ADK: variants seen among roughly 807,000 people sequenced by gnomAD.
ADK encodes adenosine kinase.
In ADK, 24 loss-of-function variants were observed where a neutral mutation model predicts 44.7. That is an observed-to-expected ratio of 0.54 (90% CI 0.39 to 0.76). ADK has a LOEUF of 0.76. Ranked by LOEUF, ADK falls within the 30% of genes least tolerant of loss-of-function variation. The pLI is 0.00. For missense variants in ADK, 321 were observed against 425.1 expected (o/e 0.76, Z 2.15); for synonymous variants, 128 against 142.6 (o/e 0.90, Z 0.73).
intron 3 of ADK, among the ~76,000 whole-genome samples, chr10:74,272,549 A>G (rs1846476650): frequency 6.6e-6 from 1 of 152,234 alleles, no homozygotes; most frequent in African/African-American, 2.4e-5. Flanking sequence ...TTCTGGGATT[A>G]CAGGCATGAG....
chr10:74,272,140 A>G (rs1053618129), intron 3 of ADK, among the ~76,000 whole-genome samples: 6 of 152,228 alleles, frequency 3.9e-5, no homozygotes, highest in Admixed American at 3.9e-4. Flanking sequence ...TTAATGTTAT[A>G]TATAAAATTA....
intron 4 of ADK, among the ~76,000 whole-genome samples, chr10:74,389,044 A>G (rs939282123): frequency 6.6e-6 from 1 of 152,168 alleles, no homozygotes; most frequent in African/African-American, 2.4e-5. Flanking sequence ...TCACAGTCCT[A>G]CCATGCCTGT....
intron 6 of ADK, among the ~76,000 whole-genome samples, chr10:74,469,201 T>C (rs1322266538): frequency 6.6e-6 from 1 of 151,994 alleles, no homozygotes; most frequent in African/African-American, 2.4e-5. Flanking sequence ...TAGCCGGGCA[T>C]GATAGTGCGC....
At chr10:74,700,925 A>G (rs1338745732) in intron 10 of ADK, among the ~76,000 whole-genome samples, 2 of 152,222 alleles carry the variant, frequency 1.3e-5, no homozygotes, top group Non-Finnish European at 2.9e-5. Context: ...ACTATTTCCA[A>G]TCTTTTCTTA....
chr10:74,356,011 T>TTTTTTG (rs1564672636), intron 4 of ADK, among the ~76,000 whole-genome samples: 19 of 130,146 alleles, frequency 1.5e-4, no homozygotes, highest in Admixed American at 1.5e-4. Context: ...CATTTTTTTT[T>TTTTTTG]TTTTTTTTTT....
At chr10:74,465,045 A>G (rs888182067) in intron 6 of ADK, among the ~76,000 whole-genome samples, 1 of 152,166 alleles carries the variant, frequency 6.6e-6, no homozygotes, top group Non-Finnish European at 1.5e-5. Context: ...GCTTTAAACA[A>G]AATATCTAGT....
chr10:74,369,888 T>C (rs11001015), intron 4 of ADK, among the ~76,000 whole-genome samples: 6,847 of 152,270 alleles, frequency 0.045, 541 homozygotes, highest in African/African-American at 0.16. Context: ...TATTATTCTA[T>C]AGAATCTACA....
chr10:74,580,101 G>T (rs1589267643), intron 7 of ADK, among the ~76,000 whole-genome samples: 1 of 152,226 alleles, frequency 6.6e-6, no homozygotes, highest in East Asian at 1.9e-4. Context: ...GAGTAGCCCT[G>T]AAAATATATA....
At chr10:74,324,692 C>T (rs1813624044) in intron 4 of ADK, among the ~76,000 whole-genome samples, 1 of 152,078 alleles carries the variant, frequency 6.6e-6, no homozygotes, top group Admixed American at 6.5e-5. Flanking sequence ...CATATCTTGG[C>T]TGTTGTGAAT....
At chr10:74,649,841 T>A (rs1753735989) in intron 9 of ADK, among the ~76,000 whole-genome samples, 1 of 152,138 alleles carries the variant, frequency 6.6e-6, no homozygotes, top group Admixed American at 6.5e-5. Flanking sequence ...CCAGCCACAT[T>A]TAAGCTCAAA....
chr10:74,214,341 G>A (rs1843937593), intron 2 of ADK, among the ~76,000 whole-genome samples: 1 of 151,924 alleles, frequency 6.6e-6, no homozygotes, highest in Admixed American at 6.6e-5. Context: ...TTAAAATCTT[G>A]CCATATCCAC....
chr10:74,574,707 A>G (rs1014585686), intron 7 of ADK, among the ~76,000 whole-genome samples: 5 of 152,238 alleles, frequency 3.3e-5, no homozygotes, highest in African/African-American at 1.2e-4. Flanking sequence ...CAGCAGGACA[A>G]CTGCAGGAAT....
intron 4 of ADK, among the ~76,000 whole-genome samples, chr10:74,357,268 T>G (rs572066240): frequency 6.6e-6 from 1 of 152,248 alleles, no homozygotes; most frequent in East Asian, 1.9e-4. Flanking sequence ...ATGCGGCAGA[T>G]TGAAGAGCAG....
chr10:74,375,563 T>C (rs1326853782), intron 4 of ADK, among the ~76,000 whole-genome samples: 4 of 152,200 alleles, frequency 2.6e-5, no homozygotes, highest in Admixed American at 6.5e-5. Context: ...CAGTTGTTAC[T>C]ACCTATTTAC....
chr10:74,220,059 C>A (rs936841951), intron 2 of ADK, among the ~76,000 whole-genome samples: 39 of 151,354 alleles, frequency 2.6e-4, no homozygotes, highest in African/African-American at 9.0e-4. Flanking sequence ...AAAAACCGTT[C>A]AAAAAATTAA....
intron 10 of ADK, among the ~76,000 whole-genome samples, chr10:74,706,214 C>G (rs1473107910): frequency 3.3e-5 from 5 of 152,004 alleles, no homozygotes; most frequent in African/African-American, 7.3e-5. Context: ...CCCAGAAGGT[C>G]GAGGCTGCAG....
chr10:74,436,365 C>G (rs1845178810), intron 6 of ADK, among the ~76,000 whole-genome samples: 1 of 152,112 alleles, frequency 6.6e-6, no homozygotes, highest in South Asian at 2.1e-4. Context: ...CAAGATCATG[C>G]CACTACGCTC....
chr10:74,256,275 A>G (rs970997281), intron 3 of ADK, among the ~76,000 whole-genome samples: 1 of 152,172 alleles, frequency 6.6e-6, no homozygotes. Flanking sequence ...AGATTAGAGG[A>G]TTTTAAGCAA....
chr10:74,182,399 A>G (rs1842593655), intron 1 of ADK, among the ~76,000 whole-genome samples: 1 of 139,896 alleles, frequency 7.1e-6, no homozygotes, highest in Admixed American at 7.0e-5. Context: ...ACACAGTTAT[A>G]CTCTTATTGC....
Sources: gnomAD v4.1 joint callset for allele counts (sites outside exome capture counted in the v4.1 genomes callset) on GRCh38, gnomAD v4.1.1 for gene constraint, MANE v1.5 for transcripts, NCBI Gene and HGNC (gene_info 2026-07-23, HGNC 2026-07-21) for gene names.